TP53I11: variants seen among roughly 807,000 people sequenced by gnomAD.
TP53I11 encodes the protein tumor protein p53 inducible protein 11, also known as tumor protein p53-inducible protein 11.
A neutral mutation model predicts 23.3 loss-of-function variants in TP53I11; 9 were observed. That is an observed-to-expected ratio of 0.39 (90% confidence interval 0.23 to 0.67). The LOEUF (loss-of-function observed/expected upper bound fraction) is 0.67. Among genes scored for constraint, TP53I11 ranks in the 30% least tolerant of loss-of-function variants. The pLI, the probability that TP53I11 is intolerant of heterozygous loss-of-function variation, is 0.48. For missense variants in TP53I11, 170 were observed against 255.2 expected (o/e 0.67, Z 2.27); for synonymous variants, 100 against 106.1 (o/e 0.94, Z 0.35).
At chr11:44,947,055 A>G (rs1184381086) in intron 1 of TP53I11, 1 of 456,236 alleles carries the variant, frequency 2.2e-6, no homozygotes, top group Non-Finnish European at 4.4e-6. Context: ...GAAGAGGGCG[A>G]GAGGTCAGGG....
At chr11:44,944,004 AG>A (rs1001510184) in intron 1 of TP53I11, among the ~76,000 whole-genome samples, 1 of 152,160 alleles carries the variant, frequency 6.6e-6, no homozygotes, top group African/African-American at 2.4e-5. Flanking sequence ...CTTTCCAATT[AG>A]GCAGAACTGG....
intron 5 of TP53I11, 24 bp from the exon 6 acceptor site, chr11:44,935,686 G>GC: frequency 7.2e-7 from 1 of 1,381,302 alleles, no homozygotes. Context: ...TGAAAAGGGG[G>GC]CTGGGGGTGG....
chr11:44,941,884 A>C (rs1861788215), intron 1 of TP53I11, among the ~76,000 whole-genome samples: 1 of 151,936 alleles, frequency 6.6e-6, no homozygotes, highest in African/African-American at 2.4e-5. Flanking sequence ...TCCGAGGGGC[A>C]GAAGCTTCCA....
In TP53I11 at chr11:44,950,711, G is replaced by C. The variant is rs1862871628; in HGVS notation, c.-66C>G. On this transcript the variant is annotated 5_prime_UTR_variant, in exon 1 of 7. Coordinates refer to ENST00000525680, the MANE Select transcript of TP53I11 (RefSeq NM_006034.5). Reference sequence around the variant, plus strand: ...GCGTGCCGGCGCTGGGCTACGTGGAGCTGATGCCAGGCGGAGGCTCCGGGC... The same window carrying C: ...GCGTGCCGGCGCTGGGCTACGTGGACCTGATGCCAGGCGGAGGCTCCGGGC... 1 of 152,774 alleles carries C rather than the reference G, an allele frequency of 6.5e-6. No individual in the cohort carries two copies. Among genetic ancestry groups the C allele is most frequent in the Non-Finnish European group, 1.5e-5 (1 of 68,690 alleles). The allele number at this position is 152,774 out of a possible 1,614,324, so 9.5% of individuals were successfully genotyped here.
At chr11:44,945,436 T>G (rs1426289341) in intron 1 of TP53I11, among the ~76,000 whole-genome samples, 1 of 152,134 alleles carries the variant, frequency 6.6e-6, no homozygotes, top group Admixed American at 6.5e-5. Context: ...GTAACTGTTC[T>G]TTAACTGGAC....
Position 44,936,377 on chromosome 11 carries a change from C to T in TP53I11, c.334+426G>A. 2 of 1,230,220 alleles carry T rather than the reference C, an allele frequency of 1.6e-6. No homozygotes were observed. Among genetic ancestry groups the T allele is most frequent in the Admixed American group, 4.2e-5 (1 of 23,798 alleles). 76.2% of individuals were successfully genotyped at this position (1,230,220 alleles called of 1,614,324 possible). A position where few individuals can be genotyped will look rare whatever the true frequency, so the allele number is the denominator to read the frequency against. ...ATTCCAAATCCTAACGTGTGCATCT[C>T]AGGTTAGAGAGGAAACAGAAGTGGT... On this transcript the variant is annotated intron_variant, in intron 5 of 6. Coordinates refer to ENST00000525680, the MANE Select transcript of TP53I11 (RefSeq NM_006034.5). The surrounding 1 kb of genome is among the most constrained non-coding windows in gnomAD (Gnocchi z 4.4).
intron 1 of TP53I11, chr11:44,947,236 C>A: frequency 2.4e-6 from 1 of 416,320 alleles, no homozygotes; most frequent in Non-Finnish European, 4.8e-6. Flanking sequence ...ATGAAGAATT[C>A]CTGTCCTTTT....
At chr11:44,946,613 C>T (rs1286438281) in intron 1 of TP53I11, among the ~76,000 whole-genome samples, 1 of 152,234 alleles carries the variant, frequency 6.6e-6, no homozygotes, top group Non-Finnish European at 1.5e-5. Flanking sequence ...TTCCAAGAAC[C>T]TCCAGGAACA....
chr11:44,935,397 G>A (rs971435699), intron 6 of TP53I11, among the ~76,000 whole-genome samples, 164 bp downstream of exon 6: 5 of 152,182 alleles, frequency 3.3e-5, no homozygotes, highest in African/African-American at 1.2e-4. Context: ...CAGGTGTGCA[G>A]GCACACAAGT....
chr11:44,939,255 G>C (rs1038181203), intron 1 of TP53I11: 3 of 152,234 alleles, frequency 2.0e-5, no homozygotes, highest in African/African-American at 7.2e-5. Context: ...CTCCGGGGTG[G>C]CCCTGGCTTC....
At chr11:44,950,556 CCGGCCGCCCCTCTGCGGTCCCGT>C (rs1862854325) in intron 1 of TP53I11, 98 bp downstream of exon 1, 2 of 151,842 alleles carry the variant, frequency 1.3e-5, no homozygotes, top group South Asian at 4.1e-4. Context: ...GCGCGGGGTC[CCGGCCGCCCCTCTGCGGTCCCGT>C]CGGCCGCAGG....
chr11:44,935,153 A>G, intron 6 of TP53I11, 136 bp from the exon 7 acceptor site: 1 of 1,303,908 alleles, frequency 7.7e-7, no homozygotes, highest in Non-Finnish European at 1.1e-6. Context: ...GGTGGGAAGC[A>G]CAGGACCTGC....
At position 44,938,453 on chromosome 11, in the gene TP53I11, C is replaced by T. The variant is rs555428965; in HGVS notation, c.-31-87G>A. On this transcript the variant is annotated intron_variant, in intron 1 of 6. Transcript: ENST00000525680. The stretch of plus-strand genomic sequence containing the variant: ...GGGCCTGACTAGCGGAAGGCCACAC[C>T]CCACACCAGGCCTGCTGAGGCCTCC... The T allele has an allele frequency of 1.1e-5, 15 of 1,404,452 alleles. No homozygotes were observed. The South Asian group carries it at 2.0e-4, about 18-fold the overall frequency. The allele number at this position is 1,404,452 out of a possible 1,614,324, so 87.0% of individuals were successfully genotyped here.
intron 2 of TP53I11, 121 bp from the exon 3 acceptor site, chr11:44,937,734 G>T: frequency 1.0e-6 from 1 of 981,272 alleles, no homozygotes; most frequent in Admixed American, 2.4e-5. Context: ...CTTGGCCAAA[G>T]GTTCCCCCAG....
At chr11:44,937,266 A>T (rs1565075773) in intron 4 of TP53I11, 38 bp downstream of exon 4, 1 of 1,537,462 alleles carries the variant, frequency 6.5e-7, no homozygotes, top group East Asian at 2.4e-5. Flanking sequence ...AGGGAGCCAC[A>T]CGGGGCCAGA....
At chr11:44,943,678 T>C (rs1222027499) in intron 1 of TP53I11, among the ~76,000 whole-genome samples, 1 of 152,212 alleles carries the variant, frequency 6.6e-6, no homozygotes, top group Non-Finnish European at 1.5e-5. Context: ...CACTGGGTCC[T>C]CATCCTCCTC....
chr11:44,935,783 AC>A, intron 5 of TP53I11, 121 bp from the exon 6 acceptor site: 2 of 689,398 alleles, frequency 2.9e-6, no homozygotes, highest in Non-Finnish European at 5.1e-6. Context: ...CCTGGACTCC[AC>A]GCCTCCGCCC....
At chr11:44,947,750 T>C (rs1862531951) in intron 1 of TP53I11, among the ~76,000 whole-genome samples, 1 of 152,190 alleles carries the variant, frequency 6.6e-6, no homozygotes, top group African/African-American at 2.4e-5. Context: ...GCTGTATGCC[T>C]TTGGGCCAGT....
chr11:44,948,569 T>C (rs906859741), intron 1 of TP53I11, among the ~76,000 whole-genome samples: 2 of 152,176 alleles, frequency 1.3e-5, no homozygotes, highest in Admixed American at 1.3e-4. Context: ...TTGTTTTTAT[T>C]AGGGAATTGC....
Sources: gnomAD v4.1 joint callset for allele counts (sites outside exome capture counted in the v4.1 genomes callset) on GRCh38, gnomAD v4.1.1 for gene constraint, Gnocchi (gnomAD v3.1) non-coding constraint, MANE v1.5 for transcripts, NCBI Gene and HGNC (gene_info 2026-07-23, HGNC 2026-07-21) for gene names.